SCN7A: variants seen among roughly 807,000 people sequenced by gnomAD.
SCN7A encodes the protein sodium channel protein type 7 subunit alpha.
A neutral mutation model predicts 155.2 loss-of-function variants in SCN7A; 138 were observed. That is an observed-to-expected ratio of 0.89 (90% CI 0.77 to 1.02). The LOEUF is 1.02. Ranked by LOEUF, SCN7A falls within the 50% of genes least tolerant of loss-of-function variation. The pLI, the probability that SCN7A is intolerant of heterozygous loss-of-function variation, is 0.00. For missense variants in SCN7A, 2,058 were observed against 1,986.6 expected (o/e 1.04, Z -0.68); for synonymous variants, 693 against 649.0 (o/e 1.07, Z -1.03).
At chr2:166,428,139 C>T (rs945221357) in intron 17 of SCN7A, among the ~76,000 whole-genome samples, 197 bp from the exon 18 acceptor site, 1 of 151,956 alleles carries the variant, frequency 6.6e-6, no homozygotes, top group Non-Finnish European at 1.5e-5. Context: ...GAAAACTGGA[C>T]TTAGGAGTTC....
intron 15 of SCN7A, 80 bp downstream of exon 15, chr2:166,441,316 T>A: frequency 1.0e-6 from 1 of 967,654 alleles, no homozygotes; most frequent in Non-Finnish European, 1.5e-6. Context: ...GACCATTAGA[T>A]CCCATCAATG....
In SCN7A at chr2:166,447,686, A is replaced by G. The variant is rs1447878939; in HGVS notation, c.1313T>C (p.Met438Thr). The G allele has an allele frequency of 1.9e-6, 3 of 1,612,928 alleles. No individual in the cohort carries two copies. In the Admixed American group the frequency reaches 5.0e-5, roughly 27 times the overall value. The change falls in exon 12 of 26, where the codon ATG becomes ACG. Residue 438 changes from methionine to threonine, a missense_variant. Met to Thr is a moderately conservative substitution (Grantham distance 81, BLOSUM62 -1). Coordinates refer to ENST00000643258, the MANE Select transcript of SCN7A (RefSeq NM_002976.4). ...TDEAKTIQIE[M>T]KKRSPISTDT... ...TGTGGAAATTGGTGACCTTTTCTTC[A>G]TTTCTATTTGTATGGTCTTGGCCTG...
At chr2:166,464,944 A>C (rs1365983337) in intron 9 of SCN7A, among the ~76,000 whole-genome samples, 1 of 152,212 alleles carries the variant, frequency 6.6e-6, no homozygotes, top group Non-Finnish European at 1.5e-5. Context: ...AAATTGGATG[A>C]ATAGTATTCC....
intron 18 of SCN7A, among the ~76,000 whole-genome samples, chr2:166,426,221 C>T (rs1286988264): frequency 5.9e-5 from 9 of 152,074 alleles, no homozygotes; most frequent in African/African-American, 1.7e-4. Flanking sequence ...TCAGTAGAAT[C>T]TGATGCAACA....
chr2:166,432,416 C>T lies in SCN7A; in HGVS notation c.2494G>A (p.Val832Ile). 1 of 1,613,590 alleles carries T rather than the reference C, an allele frequency of 6.2e-7. No individual in the cohort carries two copies. The highest frequency in any genetic ancestry group is 8.5e-7 in the Non-Finnish European group (1 of 1,179,628). Residue 832 changes from valine (V) to isoleucine (I), a missense_variant, in exon 16 of 26, where the codon GTC becomes ATC. By Grantham distance (29) the Val-to-Ile change is conservative. Coordinates refer to ENST00000643258, the MANE Select transcript of SCN7A (RefSeq NM_002976.4). ...GAAGCAATTGGTACAGTTTCTGAGA[C>T]ACTAGGACTGGGGATAAGTGATTGG... is the stretch of plus-strand genomic sequence containing the variant. ...ESQSLIPSPS[V>I]SETVPIASGE...
chr2:166,432,090 T>C (rs1438335952), intron 16 of SCN7A, among the ~76,000 whole-genome samples: 2 of 152,046 alleles, frequency 1.3e-5, no homozygotes, highest in Middle Eastern at 3.2e-3. Flanking sequence ...CCCCCCTCCA[T>C]GGACTAAATA....
chr2:166,456,556 T>C (rs1366559726), intron 11 of SCN7A, among the ~76,000 whole-genome samples: 1 of 152,128 alleles, frequency 6.6e-6, no homozygotes, highest in Admixed American at 6.6e-5. Flanking sequence ...ACAAATTTCC[T>C]TCTTTTTATT....
intron 15 of SCN7A, among the ~76,000 whole-genome samples, chr2:166,435,894 G>A (rs143606572): frequency 1.4e-4 from 21 of 151,738 alleles, no homozygotes; most frequent in African/African-American, 4.8e-4. Flanking sequence ...TAAAACACCA[G>A]GAATGAAATT....
chr2:166,459,123 C>T (rs1414826520), intron 10 of SCN7A, among the ~76,000 whole-genome samples: 1 of 151,868 alleles, frequency 6.6e-6, no homozygotes, highest in Non-Finnish European at 1.5e-5. Flanking sequence ...TTATCTTATT[C>T]AATATTATTT....
rs144505752 is a variant in SCN7A at position 166,442,890 on chromosome 2, G to C, written c.1800+613C>G. 1.7e-3 allele frequency among the ~76,000 whole-genome samples: 263 copies of C among 152,254 alleles called. 4 individuals are homozygous for C. The highest frequency in any genetic ancestry group is 0.015 in the Admixed American group (222 of 15,292). Reference sequence around the variant, plus strand: ...GGATTCTGAATGAGCTGCCCTCTAGGAAGTAACCATTAGAATAAGATTAAA... The same window carrying C: ...GGATTCTGAATGAGCTGCCCTCTAGCAAGTAACCATTAGAATAAGATTAAA... On this transcript the variant is annotated intron_variant, in intron 14 of 25. Transcript: ENST00000643258.
At chr2:166,457,127 C>T in intron 10 of SCN7A, 51 bp from the exon 11 acceptor site, 1 of 1,301,792 alleles carries the variant, frequency 7.7e-7, no homozygotes, top group South Asian at 1.4e-5. Flanking sequence ...ATTTATCTTC[C>T]AGGATTCTCC....
intron 7 of SCN7A, among the ~76,000 whole-genome samples, chr2:166,469,425 C>G (rs896369556): frequency 6.6e-6 from 1 of 151,440 alleles, no homozygotes; most frequent in South Asian, 2.1e-4. Context: ...ATTATGTATG[C>G]TTCTATTTTT....
At chr2:166,457,223 T>A (rs1575044350) in intron 10 of SCN7A, 147 bp from the exon 11 acceptor site, 2 of 614,624 alleles carry the variant, frequency 3.3e-6, no homozygotes, top group East Asian at 5.6e-5. Context: ...AAGCACTGGC[T>A]CCACCTGAAG....
In SCN7A at chr2:166,444,751, G is replaced by A; in HGVS notation, c.1626+11C>T. 1 of 1,401,122 alleles carries A rather than the reference G, an allele frequency of 7.1e-7. No individual in the cohort carries two copies. The highest frequency in any genetic ancestry group is 9.9e-7 in the Non-Finnish European group (1 of 1,006,036). 86.8% of individuals were successfully genotyped at this position (1,401,122 alleles called of 1,614,324 possible). On this transcript the variant is annotated intron_variant, in intron 13 of 25. Transcript: ENST00000643258. ...ACTGCAAATGAAAATAATGTACAAT[G>A]AGAGTCTTACCAGGTTTCCAATGTT...
intron 5 of SCN7A, among the ~76,000 whole-genome samples, chr2:166,472,895 C>T (rs1157912281): frequency 6.6e-6 from 1 of 151,560 alleles, no homozygotes; most frequent in Non-Finnish European, 1.5e-5. Context: ...GAACTGGAGA[C>T]CATTATCCTT....
At chr2:166,437,480 G>C (rs114322402) in intron 15 of SCN7A, among the ~76,000 whole-genome samples, 1,944 of 152,240 alleles carry the variant, frequency 0.013, 47 homozygotes, top group African/African-American at 0.044. Context: ...TGTAGGGTTG[G>C]AGCCCCCACA....
chr2:166,410,059 G>A lies in SCN7A; in HGVS notation c.3712-124C>T. On this transcript the variant is annotated intron_variant, in intron 24 of 25. Coordinates refer to ENST00000643258, the MANE Select transcript of SCN7A (RefSeq NM_002976.4). ...AGAATAAGTGTGAACCTAAATTTTT[G>A]CCAAACTATAACATATAGTCAAAAC... is the stretch of plus-strand genomic sequence containing the variant. 5.8e-6 allele frequency: 7 copies of A among 1,198,966 alleles called. No homozygotes were observed. The South Asian group carries it at 1.0e-4, about 18-fold the overall frequency. 74.3% of individuals were successfully genotyped at this position (1,198,966 alleles called of 1,614,324 possible).
At position 166,432,580 on chromosome 2, in the gene SCN7A, G is replaced by T; in HGVS notation, c.2330C>A (p.Thr777Lys). 2.5e-6 allele frequency: 4 copies of T among 1,613,294 alleles called. No individual in the cohort carries two copies. The highest frequency in any genetic ancestry group is 2.2e-5 in the South Asian group (2 of 91,000). ...ATATACCTCATTTACATGGTCCATT[G>T]TGTCCTTTGGGACATTTTGTGTTTT... The part of the protein sequence containing the change: ...LCKTQNVPKD[T>K]MDHVNEVYVK... Residue 777 changes from threonine to lysine, a missense_variant, in exon 16 of 26, where the codon ACA (threonine) becomes AAA (lysine). By Grantham distance (78) the Thr-to-Lys change is moderately conservative. Transcript: ENST00000643258.
At chr2:166,431,544 ATCTCT>A (rs1369401293) in intron 16 of SCN7A, among the ~76,000 whole-genome samples, 1 of 152,010 alleles carries the variant, frequency 6.6e-6, no homozygotes, top group Non-Finnish European at 1.5e-5. Context: ...TGCAGATGTG[ATCTCT>A]GTAGGTGTAG....
Sources: gnomAD v4.1 joint callset for allele counts (sites outside exome capture counted in the v4.1 genomes callset) on GRCh38, gnomAD v4.1.1 for gene constraint, MANE v1.5 for transcripts, NCBI Gene and HGNC (gene_info 2026-07-23, HGNC 2026-07-21) for gene names.